Variants in LRRC4C observed in about 807,000 individuals in gnomAD.
LRRC4C encodes the protein leucine-rich repeat-containing protein 4C.
In LRRC4C, 5 loss-of-function variants were observed where a neutral mutation model predicts 33.6. The ratio of observed to expected loss-of-function variants is 0.15; its 90% CI spans 0.08 to 0.31. The LOEUF (loss-of-function observed/expected upper bound fraction) is 0.31, where lower values mean the gene tolerates loss of function less well. Ranked by LOEUF, LRRC4C falls within the 10% of genes least tolerant of loss-of-function variation. LRRC4C has a pLI of 1.00. For synonymous variants in LRRC4C, 329 were observed against 302.0 expected, an observed-to-expected ratio of 1.09 and a Z score of -0.93; for missense variants, 560 against 796.7, an observed-to-expected ratio of 0.70 and a Z score of 3.58.
intron 3 of LRRC4C, among the ~76,000 whole-genome samples, chr11:40,508,818 T>C (rs1194217303): frequency 6.6e-6 from 1 of 152,220 alleles, no homozygotes; most frequent in Non-Finnish European, 1.5e-5. Flanking sequence ...TAATTGTTAT[T>C]GTTCAACTGT....
chr11:40,183,508 A>T (rs1861176415), intron 5 of LRRC4C, among the ~76,000 whole-genome samples: 1 of 152,190 alleles, frequency 6.6e-6, no homozygotes, highest in South Asian at 2.1e-4. Context: ...GACTAGAATC[A>T]ATCATCAGGA....
Position 40,968,999 on chromosome 11 carries a change from G to A in LRRC4C, c.-495-35276C>T, listed in dbSNP as rs80341504. Among the ~76,000 whole-genome samples the A allele has an allele frequency of 5.3e-5, 8 of 152,226 alleles. No homozygotes were observed. In the East Asian group the frequency reaches 1.5e-3, roughly 29 times the overall value. On this transcript the variant is annotated intron_variant, in intron 1 of 6. Transcript: ENST00000528697. ...GTGATTTCTTTAATGGATCTTGGGA[G>A]AGCACACTGAAAATCTTCGGGAAAG...
At chr11:40,714,552 G>A (rs1014051803) in intron 2 of LRRC4C, among the ~76,000 whole-genome samples, 5 of 152,042 alleles carry the variant, frequency 3.3e-5, no homozygotes, top group Non-Finnish European at 7.4e-5. Flanking sequence ...CCTCTGTATC[G>A]CTGTTCCATT....
Position 40,773,083 on chromosome 11 carries a change from G to A in LRRC4C, c.-406-124805C>T, listed in dbSNP as rs561831504. On this transcript the variant is annotated intron_variant, in intron 2 of 6. Transcript: ENST00000528697. The stretch of plus-strand genomic sequence containing the variant: ...ATAGAACTGGAGAACATTATGTTAA[G>A]TGAAATAAGCCAGGCACAGAAAGAC... Among the ~76,000 whole-genome samples the A allele has an allele frequency of 7.9e-5, 12 of 152,248 alleles. No homozygotes were observed. In the South Asian group the frequency reaches 2.5e-3, roughly 32 times the overall value.
rs138231416 is a variant in LRRC4C, at chr11:40,636,089, C to T, written c.-270+12053G>A. Among the ~76,000 whole-genome samples, 1,239 of 152,274 alleles carry T rather than the reference C, an allele frequency of 8.1e-3. 21 individuals are homozygous for T. The highest frequency in any genetic ancestry group is 0.029 in the African/African-American group (1,189 of 41,550). ...GATAAGCAGCAAAACACGAGCCTCT[C>T]GGACATTGGGACAACTAAGGTCTAA... On this transcript the variant is annotated intron_variant, in intron 3 of 6. Coordinates refer to ENST00000528697, the MANE Select transcript of LRRC4C (RefSeq NM_001258419.2).
intron 1 of LRRC4C, among the ~76,000 whole-genome samples, chr11:41,105,913 G>A (rs1248135902): frequency 6.6e-6 from 1 of 152,012 alleles, no homozygotes; most frequent in Admixed American, 6.6e-5. Context: ...ATAATACCAA[G>A]ATATTTCTCT....
chr11:40,772,229 G>T (rs768919103), intron 2 of LRRC4C, among the ~76,000 whole-genome samples: 1 of 152,168 alleles, frequency 6.6e-6, no homozygotes, highest in Non-Finnish European at 1.5e-5. Context: ...GGTGGGAGGA[G>T]AGAGAAGTGC....
intron 3 of LRRC4C, among the ~76,000 whole-genome samples, chr11:40,484,224 T>C (rs774764170): frequency 3.9e-5 from 6 of 152,120 alleles, no homozygotes; most frequent in African/African-American, 7.2e-5. Context: ...ACCCTGAAGA[T>C]ACCCCTCTAC....
chr11:40,306,307 T>C (rs1270059022), intron 4 of LRRC4C, among the ~76,000 whole-genome samples: 1 of 152,210 alleles, frequency 6.6e-6, no homozygotes, highest in African/African-American at 2.4e-5. Flanking sequence ...CTTGAACTAA[T>C]TGCTTTCCCT....
At chr11:41,382,553 T>G (rs945023257) in intron 1 of LRRC4C, among the ~76,000 whole-genome samples, 1 of 152,088 alleles carries the variant, frequency 6.6e-6, no homozygotes, top group Non-Finnish European at 1.5e-5. Context: ...TTTAATGAAT[T>G]AATTCACTAA....
intron 3 of LRRC4C, among the ~76,000 whole-genome samples, chr11:40,454,663 A>C (rs10837418): frequency 0.36 from 53,931 of 151,642 alleles, 10,074 homozygotes; most frequent in East Asian, 0.52. Context: ...CTATGTTAAA[A>C]TACCTATGCC....
intron 1 of LRRC4C, among the ~76,000 whole-genome samples, chr11:41,059,065 T>C (rs897271307): frequency 2.6e-5 from 4 of 151,902 alleles, no homozygotes; most frequent in African/African-American, 9.7e-5. Context: ...AGGGTAGAAG[T>C]TGAGAGCAGG....
At chr11:40,342,680 T>C (rs551064964) in intron 3 of LRRC4C, among the ~76,000 whole-genome samples, 12 of 152,330 alleles carry the variant, frequency 7.9e-5, no homozygotes, top group South Asian at 2.1e-4. Flanking sequence ...ATAATCAGTT[T>C]TGTAATGTTC....
At chr11:41,043,581 C>T (rs989035148) in intron 1 of LRRC4C, among the ~76,000 whole-genome samples, 2 of 151,776 alleles carry the variant, frequency 1.3e-5, no homozygotes, top group African/African-American at 4.8e-5. Flanking sequence ...TGCATTATCT[C>T]AGTTAAACTT....
intron 1 of LRRC4C, among the ~76,000 whole-genome samples, chr11:41,155,654 C>T (rs1944197081): frequency 6.6e-6 from 1 of 151,810 alleles, no homozygotes; most frequent in African/African-American, 2.4e-5. Context: ...ACTGCTCTCT[C>T]CCCTTTCCCT....
intron 4 of LRRC4C, among the ~76,000 whole-genome samples, chr11:40,296,749 T>C (rs1251435486): frequency 1.3e-5 from 2 of 152,240 alleles, no homozygotes; most frequent in Non-Finnish European, 2.9e-5. Flanking sequence ...TAGATATTTA[T>C]GCAGTAGAGG....
At chr11:40,364,387 T>TA (rs577438441) in intron 3 of LRRC4C, among the ~76,000 whole-genome samples, 6 of 151,964 alleles carry the variant, frequency 3.9e-5, no homozygotes, top group African/African-American at 1.5e-4. Context: ...ATGCAGAAGA[T>TA]AAAAAAATGA....
rs201677778 is a variant in LRRC4C, at chr11:41,180,910, T to TA, written c.-495-247188dup. Reference sequence around the variant, plus strand: ...CCTGCTTGATACACTAAGAAGTGATTAAAAAAAAAATGGTTAGATCTTAGC... The same window carrying TA: ...CCTGCTTGATACACTAAGAAGTGATTAAAAAAAAAAATGGTTAGATCTTAGC... On this transcript the variant is annotated intron_variant, in intron 1 of 6. Coordinates refer to ENST00000528697, the MANE Select transcript of LRRC4C (RefSeq NM_001258419.2). 4.8e-3 allele frequency among the ~76,000 whole-genome samples: 716 copies of TA among 149,402 alleles called. 8 individuals are homozygous for TA. The highest frequency in any genetic ancestry group is 0.016 in the African/African-American group (659 of 40,800).
At chr11:41,310,894 A>G (rs918011779) in intron 1 of LRRC4C, among the ~76,000 whole-genome samples, 3 of 152,208 alleles carry the variant, frequency 2.0e-5, no homozygotes, top group African/African-American at 7.2e-5. Flanking sequence ...CCTTTAGTAC[A>G]CTGGTTCTAA....
Sources: allele counts gnomAD v4.1 joint callset (sites outside exome capture counted in the v4.1 genomes callset), GRCh38; gene constraint gnomAD v4.1.1; transcripts MANE v1.5; gene names NCBI Gene and HGNC (gene_info 2026-07-23, HGNC 2026-07-21).